The following TM9SF2 variants were observed in gnomAD, a reference collection of about 807,000 sequenced individuals.
TM9SF2 encodes the protein transmembrane 9 superfamily member 2.
In TM9SF2, 13 loss-of-function variants were observed where a neutral mutation model predicts 84.9. The observed-to-expected ratio is 0.15, with a 90% confidence interval of 0.10 to 0.24. The LOEUF (loss-of-function observed/expected upper bound fraction) is 0.24. Ranked by LOEUF, TM9SF2 falls within the 10% of genes least tolerant of loss-of-function variation. The pLI is 1.00. For synonymous variants in TM9SF2, 273 were observed against 285.8 expected, an observed-to-expected ratio of 0.96 and a Z score of 0.45; for missense variants, 562 against 818.5, an observed-to-expected ratio of 0.69 and a Z score of 3.82.
At chr13:99,530,094 G>C (rs1306076510) in intron 4 of TM9SF2, among the ~76,000 whole-genome samples, 1 of 151,352 alleles carries the variant, frequency 6.6e-6, no homozygotes, top group Admixed American at 6.6e-5. Context: ...AAAAAAAAAG[G>C]CTGACACAAA....
intron 1 of TM9SF2, among the ~76,000 whole-genome samples, chr13:99,508,177 T>C (rs1052350088): frequency 5.3e-5 from 8 of 152,220 alleles, no homozygotes; most frequent in African/African-American, 1.9e-4. Context: ...TGCAACTTCC[T>C]TAAAATGTTT....
In TM9SF2 at chr13:99,541,670, A is replaced by G; in HGVS notation, c.1017+3A>G. ...GATATAATCAGATGGACTCTACGGTAAGTGGAAACATTTTAGTCTTTAGTC... is the reference window on the plus strand; with the variant it reads ...GATATAATCAGATGGACTCTACGGTGAGTGGAAACATTTTAGTCTTTAGTC... On this transcript the variant is annotated splice_donor_region_variant and intron_variant, in intron 9 of 16. Coordinates refer to ENST00000376387, the MANE Select transcript of TM9SF2 (RefSeq NM_004800.3). The G allele has an allele frequency of 6.3e-7, 1 of 1,589,650 alleles. No homozygotes were observed. The highest frequency in any genetic ancestry group is 8.6e-7 in the Non-Finnish European group (1 of 1,162,050).
At chr13:99,545,838 T>A (rs2046280300) in intron 10 of TM9SF2, among the ~76,000 whole-genome samples, 1 of 152,210 alleles carries the variant, frequency 6.6e-6, no homozygotes, top group African/African-American at 2.4e-5. Flanking sequence ...GTGCTGGGGT[T>A]ACAGGCGTGA....
At chr13:99,543,243 C>T (rs950285369) in intron 9 of TM9SF2, among the ~76,000 whole-genome samples, 11 of 152,208 alleles carry the variant, frequency 7.2e-5, no homozygotes, top group Non-Finnish European at 1.3e-4. Flanking sequence ...CACACCCATA[C>T]ATCCTGTTTT....
chr13:99,504,785 T>C (rs1180470175), intron 1 of TM9SF2, among the ~76,000 whole-genome samples: 1 of 152,210 alleles, frequency 6.6e-6, no homozygotes, highest in Non-Finnish European at 1.5e-5. Flanking sequence ...TTATTTTACA[T>C]GTGCGTGCAT....
intron 8 of TM9SF2, 24 bp from the exon 9 acceptor site, chr13:99,541,535 C>T (rs1380662431): frequency 1.3e-6 from 2 of 1,531,230 alleles, no homozygotes; most frequent in African/African-American, 1.4e-5. Context: ...CTACAGATTA[C>T]TCATGATGTG....
chr13:99,548,445 G>A (rs958404916), intron 11 of TM9SF2, among the ~76,000 whole-genome samples: 6 of 152,104 alleles, frequency 3.9e-5, no homozygotes, highest in African/African-American at 7.2e-5. Context: ...TATCAACTAT[G>A]TTAAAACTTT....
chr13:99,553,268 C>T (rs1471182050), intron 13 of TM9SF2, among the ~76,000 whole-genome samples: 3 of 152,324 alleles, frequency 2.0e-5, no homozygotes, highest in South Asian at 2.1e-4. Flanking sequence ...GAGCAGGACC[C>T]GGAAGGCCCT....
At chr13:99,529,710 T>C (rs900288442) in intron 4 of TM9SF2, 116 bp downstream of exon 4, 1 of 1,194,228 alleles carries the variant, frequency 8.4e-7, no homozygotes, top group Non-Finnish European at 1.1e-6. Flanking sequence ...TGATTTCCTT[T>C]TTTTTGTTAC....
chr13:99,546,876 G>C (rs969825750), intron 10 of TM9SF2, 109 bp from the exon 11 acceptor site: 4 of 1,479,146 alleles, frequency 2.7e-6, no homozygotes, highest in Admixed American at 2.0e-5. Context: ...ATGGTTTTGC[G>C]TGAAGTTGTA....
At chr13:99,516,695 C>G (rs1300362665) in intron 1 of TM9SF2, among the ~76,000 whole-genome samples, 3 of 152,178 alleles carry the variant, frequency 2.0e-5, no homozygotes, top group Non-Finnish European at 4.4e-5. Flanking sequence ...TGTTGTTGAG[C>G]TTGATCTGGT....
chr13:99,526,526 T>G (rs2046184297), intron 3 of TM9SF2, among the ~76,000 whole-genome samples: 1 of 151,912 alleles, frequency 6.6e-6, no homozygotes, highest in Non-Finnish European at 1.5e-5. Flanking sequence ...CCAGGGCTTG[T>G]TGGAGGTGAT....
chr13:99,519,497 G>C (rs1478327741), intron 2 of TM9SF2: 1 of 152,766 alleles, frequency 6.5e-6, no homozygotes, highest in Non-Finnish European at 1.5e-5. Flanking sequence ...TAATACAAGG[G>C]AATTACAACA....
At chr13:99,518,538 A>G (rs975389776) in intron 2 of TM9SF2, among the ~76,000 whole-genome samples, 1 of 152,202 alleles carries the variant, frequency 6.6e-6, no homozygotes, top group African/African-American at 2.4e-5. Flanking sequence ...GAAATTGTAT[A>G]GATTCCATGT....
chr13:99,503,481 G>A (rs944065645), intron 1 of TM9SF2, among the ~76,000 whole-genome samples: 1 of 152,152 alleles, frequency 6.6e-6, no homozygotes, highest in African/African-American at 2.4e-5. Flanking sequence ...GGCCGAGGCG[G>A]GTGGATCACC....
In TM9SF2 at chr13:99,501,612, C is replaced by T. The variant is rs756414423; in HGVS notation, c.6C>T (p.Ser2=). 4.3e-6 allele frequency: 7 copies of T among 1,612,176 alleles called. No individual in the cohort carries two copies. In the East Asian group the frequency reaches 9.0e-5, roughly 21 times the overall value. M[S]ARLPVLSPPR... The stretch of plus-strand genomic sequence containing the variant: ...CTTTCCCCGAAACAACTATCATGAG[C>T]GCGAGGCTGCCGGTGTTGTCTCCAC... Residue 2 remains serine, a synonymous_variant, in exon 1 of 17, where the codon AGC becomes AGT. Coordinates refer to ENST00000376387, the MANE Select transcript of TM9SF2 (RefSeq NM_004800.3).
intron 14 of TM9SF2, among the ~76,000 whole-genome samples, chr13:99,554,981 A>T (rs1464982308): frequency 6.6e-6 from 1 of 152,206 alleles, no homozygotes; most frequent in African/African-American, 2.4e-5. Context: ...AAAAACTCAT[A>T]ATAGTCATTT....
intron 15 of TM9SF2, among the ~76,000 whole-genome samples, chr13:99,558,123 A>G (rs770099346): frequency 2.0e-5 from 3 of 152,188 alleles, no homozygotes; most frequent in Non-Finnish European, 2.9e-5. Context: ...TCAAAAATCA[A>G]TTGACCATAG....
At chr13:99,543,802 C>G in intron 9 of TM9SF2, 61 bp from the exon 10 acceptor site, 1 of 1,550,194 alleles carries the variant, frequency 6.5e-7, no homozygotes, top group Non-Finnish European at 8.7e-7. Context: ...AGTGAACAAA[C>G]TGTCTATAGT....
Sources: allele counts gnomAD v4.1 joint callset (sites outside exome capture counted in the v4.1 genomes callset), GRCh38; gene constraint gnomAD v4.1.1; transcripts MANE v1.5; gene names NCBI Gene and HGNC (gene_info 2026-07-23, HGNC 2026-07-21).